PSME4: variants seen among roughly 807,000 people sequenced by gnomAD.
PSME4 encodes the protein proteasome activator complex subunit 4.
A neutral mutation model predicts 253.9 loss-of-function variants in PSME4; 89 were observed. The observed-to-expected ratio is 0.35, with a 90% CI of 0.30 to 0.42. The LOEUF (loss-of-function observed/expected upper bound fraction) is 0.42. PSME4 is among the 10% of genes least tolerant of loss of function. The pLI is 1.00. For missense variants in PSME4, 2,014 were observed against 2,195.2 expected (o/e 0.92, Z 1.65); for synonymous variants, 851 against 759.2 (o/e 1.12, Z -1.99).
chr2:53,932,237 T>C, intron 9 of PSME4, 137 bp from the exon 10 acceptor site: 1 of 712,678 alleles, frequency 1.4e-6, no homozygotes, highest in African/African-American at 1.8e-5. Flanking sequence ...CTGCACAGCA[T>C]AACTAGATAG....
chr2:53,939,820 G>T, intron 4 of PSME4, 136 bp downstream of exon 4: 1 of 623,898 alleles, frequency 1.6e-6, no homozygotes, highest in Non-Finnish European at 2.6e-6. Context: ...AACTGGAAAC[G>T]GTATGTTGTG....
chr2:53,896,677 A>T (rs893766648), intron 32 of PSME4, 127 bp downstream of exon 32: 52 of 684,374 alleles, frequency 7.6e-5, no homozygotes, highest in Non-Finnish European at 1.1e-4. Context: ...CCTTCATAAT[A>T]TTATTTATAT....
intron 41 of PSME4, among the ~76,000 whole-genome samples, chr2:53,882,011 T>TTA (rs1679411449): frequency 1.3e-5 from 2 of 151,772 alleles, no homozygotes; most frequent in African/African-American, 4.8e-5. Flanking sequence ...ATAGGCAAGT[T>TTA]TATATATAGA....
At chr2:53,927,521 T>G in intron 11 of PSME4, 38 bp from the exon 12 acceptor site, 1 of 1,369,538 alleles carries the variant, frequency 7.3e-7, no homozygotes, top group Non-Finnish European at 1.0e-6. Context: ...CATTACATAA[T>G]TCTAATTCAG....
chr2:53,965,670 G>GTTTTTTTTT (rs200690643), intron 1 of PSME4, among the ~76,000 whole-genome samples: 1 of 139,312 alleles, frequency 7.2e-6, no homozygotes, highest in Non-Finnish European at 1.5e-5. Flanking sequence ...GTGTTTTTTT[G>GTTTTTTTTT]TTTTTTTTTT....
At chr2:53,879,471 CT>C (rs1679281339) in intron 41 of PSME4, among the ~76,000 whole-genome samples, 1 of 152,090 alleles carries the variant, frequency 6.6e-6, no homozygotes, top group East Asian at 1.9e-4. Context: ...AGAGCAGTGA[CT>C]TTTAAAAGCA....
In PSME4 at chr2:53,909,886, TGGGAGGCA is replaced by T. The variant is rs542351176; in HGVS notation, c.2572+181_2572+188del. Among the ~76,000 whole-genome samples, 46 of 152,128 alleles carry T rather than the reference TGGGAGGCA, an allele frequency of 3.0e-4. No individual in the cohort carries two copies. In the South Asian group the frequency reaches 9.3e-3, roughly 31 times the overall value. Reference sequence around the variant, plus strand: ...CTGGAGCAGGAGAATCGTTTGAATCTGGGAGGCAGGGAGGCAGGGGTTGCAGTGAGCAG... The same window carrying T: ...CTGGAGCAGGAGAATCGTTTGAATCTGGGAGGCAGGGGTTGCAGTGAGCAG... On this transcript the variant is annotated intron_variant, in intron 21 of 46. Transcript: ENST00000404125.
chr2:53,940,094 T>G lies in PSME4; in HGVS notation c.501-94A>C. The G allele has an allele frequency of 5.1e-6, 5 of 978,784 alleles. No homozygotes were observed. In the South Asian group the frequency reaches 9.9e-5, roughly 19 times the overall value. The allele number at this position is 978,784 out of a possible 1,614,324, so 60.6% of individuals were successfully genotyped here. On this transcript the variant is annotated intron_variant, in intron 3 of 46. Transcript: ENST00000404125. ...ATATCTATAAGATAACCTCACACAT[T>G]CAGGTATTATTTGTTTACATGTAAT... is the stretch of plus-strand genomic sequence containing the variant.
At chr2:53,870,229 T>G (rs1678803812) in intron 43 of PSME4, 1 of 152,236 alleles carries the variant, frequency 6.6e-6, no homozygotes, top group South Asian at 2.1e-4. Flanking sequence ...TCAAAAGGTT[T>G]CTCATAATTT....
intron 3 of PSME4, among the ~76,000 whole-genome samples, chr2:53,940,671 C>A (rs891346829): frequency 1.3e-5 from 2 of 151,176 alleles, no homozygotes; most frequent in Non-Finnish European, 2.9e-5. Context: ...GGTTTAAACA[C>A]GTGACCAGAA....
At chr2:53,868,861 G>A (rs1678732985) in intron 44 of PSME4, among the ~76,000 whole-genome samples, 1 of 151,638 alleles carries the variant, frequency 6.6e-6, no homozygotes, top group Admixed American at 6.6e-5. Flanking sequence ...TTTTAAACAT[G>A]ACATAGTAGT....
intron 43 of PSME4, chr2:53,870,373 G>GTTTTTTTT (rs371507997): frequency 8.6e-6 from 1 of 115,904 alleles, no homozygotes; most frequent in African/African-American, 3.5e-5. Context: ...TTTTCTTTTC[G>GTTTTTTTT]TTTTTTTTTT....
At chr2:53,940,136 T>A (rs1669323201) in intron 3 of PSME4, 136 bp from the exon 4 acceptor site, 2 of 631,632 alleles carry the variant, frequency 3.2e-6, no homozygotes, top group East Asian at 6.4e-5. Flanking sequence ...GCCTTCCCTT[T>A]CATACAAACG....
chr2:53,963,307 G>C (rs1411381141), intron 1 of PSME4, among the ~76,000 whole-genome samples: 5 of 151,916 alleles, frequency 3.3e-5, no homozygotes. Context: ...TTCCAGCCTG[G>C]GTAAGAGACC....
rs369816624 is a variant in PSME4, at chr2:53,910,085, T to A, written c.2562A>T (p.Gly854=). 1.2e-4 allele frequency: 190 copies of A among 1,606,504 alleles called. No homozygotes were observed. The highest frequency in any genetic ancestry group is 1.5e-4 in the Non-Finnish European group (177 of 1,173,312). Residue 854 remains glycine, a synonymous_variant, in exon 21 of 47, where the codon GGA becomes GGT. Coordinates refer to ENST00000404125, the MANE Select transcript of PSME4 (RefSeq NM_014614.3). Reference sequence around the variant, plus strand: ...TTAGGATTCACATACCATATTCAAGTCCAGTATACAACTTTGTCTCTTCCA... The same window carrying A: ...TTAGGATTCACATACCATATTCAAGACCAGTATACAACTTTGTCTCTTCCA... ...VSLEETKLYT[G]LEYDLSRENH... is the part of the protein sequence containing the mutation.
At chr2:53,936,612 C>A in intron 6 of PSME4, 152 bp downstream of exon 6, 1 of 535,726 alleles carries the variant, frequency 1.9e-6, no homozygotes, top group South Asian at 3.9e-5. Flanking sequence ...TGAAAAGAAA[C>A]TGATCATAAC....
chr2:53,906,718 A>G (rs1190352108), intron 25 of PSME4, 25 bp from the exon 26 acceptor site: 1 of 1,594,122 alleles, frequency 6.3e-7, no homozygotes, highest in Admixed American at 1.8e-5. Flanking sequence ...GCAAACATTT[A>G]CTAAAATTTG....
rs764294312 is a variant in PSME4 at position 53,931,994 on chromosome 2, T to C, written c.1157A>G (p.His386Arg). The C allele has an allele frequency of 5.0e-6, 8 of 1,613,964 alleles. No homozygotes were observed. In the African/African-American group the frequency reaches 1.1e-4, roughly 22 times the overall value. The change falls in exon 10 of 47, where the codon CAC becomes CGC. Residue 386 changes from histidine (H) to arginine (R), a missense_variant. This residue lies in a region of PSME4 where 615 missense variants were observed against 594.4 expected (regional missense o/e 1.03). Transcript: ENST00000404125. ...TGTAACATCTTGATCAGTAAGCTTG[T>C]GGCTATCAGGCACAGGAGTTAACCA... Reference protein sequence around the residue: ...PSWLTPVPDSHKLTDQDVTDF... With the variant: ...PSWLTPVPDSRKLTDQDVTDF...
At chr2:53,884,234 T>C (rs955333782) in intron 41 of PSME4, among the ~76,000 whole-genome samples, 14 of 152,122 alleles carry the variant, frequency 9.2e-5, no homozygotes, top group African/African-American at 3.1e-4. Context: ...TTTTTCGAGA[T>C]GGAGTCTTGC....
Sources: allele counts gnomAD v4.1 joint callset (sites outside exome capture counted in the v4.1 genomes callset), GRCh38; gene constraint gnomAD v4.1.1; regional missense constraint gnomAD v4.1.1; transcripts MANE v1.5; gene names NCBI Gene and HGNC (gene_info 2026-07-23, HGNC 2026-07-21).